PDE4D: variants seen among roughly 807,000 people sequenced by gnomAD.
The protein encoded by PDE4D is 3',5'-cyclic-AMP phosphodiesterase 4D.
A neutral mutation model predicts 87.4 loss-of-function variants in PDE4D; 24 were observed. The ratio of observed to expected loss-of-function variants is 0.27; its 90% CI spans 0.20 to 0.39. PDE4D has a LOEUF of 0.39. Ranked by LOEUF, PDE4D falls within the 10% of genes least tolerant of loss-of-function variation. PDE4D has a pLI of 1.00. For synonymous variants in PDE4D, 384 were observed against 383.2 expected, an observed-to-expected ratio of 1.00 and a Z score of -0.02; for missense variants, 714 against 1,041.0, an observed-to-expected ratio of 0.69 and a Z score of 4.32.
At chr5:60,200,788 T>C (rs529842005) in intron 1 of PDE4D, among the ~76,000 whole-genome samples, 1 of 152,290 alleles carries the variant, frequency 6.6e-6, no homozygotes, top group Admixed American at 6.5e-5. Flanking sequence ...TTCATGAGTT[T>C]ACACACTCTG....
At chr5:59,137,352 G>A (rs1180995897) in intron 5 of PDE4D, among the ~76,000 whole-genome samples, 1 of 152,112 alleles carries the variant, frequency 6.6e-6, no homozygotes. Context: ...TTGGATATAG[G>A]AACAAAAGTT....
intron 5 of PDE4D, among the ~76,000 whole-genome samples, chr5:59,122,086 G>A (rs1219906518): frequency 1.4e-5 from 2 of 139,004 alleles, no homozygotes; most frequent in East Asian, 2.2e-4. Flanking sequence ...AGGTTGCAGT[G>A]AGCTGAGATG....
At chr5:59,234,300 A>G (rs1345117867) in intron 1 of PDE4D, among the ~76,000 whole-genome samples, 1 of 151,842 alleles carries the variant, frequency 6.6e-6, no homozygotes. Flanking sequence ...TTTTTTGTAG[A>G]ATTTATTCGA....
intron 1 of PDE4D, among the ~76,000 whole-genome samples, chr5:60,481,850 G>A (rs1168293858): frequency 1.3e-5 from 2 of 151,998 alleles, no homozygotes; most frequent in Non-Finnish European, 2.9e-5. Flanking sequence ...TTAACATATG[G>A]ATCAAGAATT....
At chr5:59,222,132 T>A (rs1366539020) in intron 1 of PDE4D, among the ~76,000 whole-genome samples, 4 of 152,146 alleles carry the variant, frequency 2.6e-5, no homozygotes, top group Admixed American at 6.5e-5. Context: ...ACGAATGAAC[T>A]AATTACTCCC....
intron 6 of PDE4D, chr5:58,999,842 TC>T: frequency 1.0e-6 from 1 of 989,478 alleles, no homozygotes; most frequent in Non-Finnish European, 1.2e-6. Context: ...CATCTTTCTC[TC>T]CCGAGCTCCA....
chr5:59,088,759 G>T (rs924169153), intron 5 of PDE4D, among the ~76,000 whole-genome samples: 3 of 152,142 alleles, frequency 2.0e-5, no homozygotes, highest in Non-Finnish European at 2.9e-5. Flanking sequence ...ACACATAGAG[G>T]GAAACAACAG....
chr5:59,620,568 T>C (rs1830231911), intron 1 of PDE4D, among the ~76,000 whole-genome samples: 1 of 152,040 alleles, frequency 6.6e-6, no homozygotes, highest in Admixed American at 6.6e-5. Context: ...GAAGTCAAGA[T>C]CAGTGGATAT....
chr5:59,301,701 T>C (rs1489163299), intron 1 of PDE4D, among the ~76,000 whole-genome samples: 1 of 151,294 alleles, frequency 6.6e-6, no homozygotes, highest in African/African-American at 2.4e-5. Context: ...AGAGAAGAAA[T>C]GGGAGAACCA....
chr5:59,607,110 C>T (rs1320649024), intron 1 of PDE4D, among the ~76,000 whole-genome samples: 6 of 151,782 alleles, frequency 4.0e-5, no homozygotes, highest in African/African-American at 9.7e-5. Context: ...AACAGATACG[C>T]GTAGAATTAG....
At chr5:59,193,365 G>C in intron 3 of PDE4D, 135 bp downstream of exon 3, 1 of 839,786 alleles carries the variant, frequency 1.2e-6, no homozygotes. Context: ...CTTTTGAATT[G>C]CTTGAATGAA....
At chr5:59,098,326 G>A (rs1378840725) in intron 5 of PDE4D, among the ~76,000 whole-genome samples, 1 of 152,108 alleles carries the variant, frequency 6.6e-6, no homozygotes, top group Non-Finnish European at 1.5e-5. Flanking sequence ...ATAATCTGAT[G>A]CTAATATGTT....
intron 1 of PDE4D, among the ~76,000 whole-genome samples, chr5:59,381,971 T>C (rs1785957508): frequency 6.6e-6 from 1 of 152,194 alleles, no homozygotes; most frequent in Non-Finnish European, 1.5e-5. Flanking sequence ...TTGATTATTT[T>C]GTTCCTGAAA....
At chr5:59,389,052 C>T (rs143523694) in intron 1 of PDE4D, among the ~76,000 whole-genome samples, 108 of 152,054 alleles carry the variant, frequency 7.1e-4, no homozygotes, top group Admixed American at 1.5e-3. Flanking sequence ...GTTCATGAGT[C>T]AACCGCAGGG....
chr5:60,091,509 A>T (rs1400339875), intron 2 of PDE4D, among the ~76,000 whole-genome samples: 2 of 152,240 alleles, frequency 1.3e-5, no homozygotes, highest in Non-Finnish European at 2.9e-5. Context: ...GATGTAGAGA[A>T]AGAGAAATGC....
intron 1 of PDE4D, among the ~76,000 whole-genome samples, chr5:60,418,037 G>A (rs1742767074): frequency 6.6e-6 from 1 of 152,276 alleles, no homozygotes; most frequent in African/African-American, 2.4e-5. Flanking sequence ...ACAATTTAAT[G>A]TTCCAGGAAG....
chr5:59,189,597 G>T (rs1177544516), intron 3 of PDE4D, among the ~76,000 whole-genome samples: 1 of 152,046 alleles, frequency 6.6e-6, no homozygotes, highest in Non-Finnish European at 1.5e-5. Context: ...CAGCAGAGAA[G>T]AGTTTCCTAC....
chr5:60,432,536 T>C (rs984426106), intron 1 of PDE4D, among the ~76,000 whole-genome samples: 4 of 152,222 alleles, frequency 2.6e-5, no homozygotes, highest in African/African-American at 9.6e-5. Flanking sequence ...GCTATTCCTG[T>C]CAAATGAACA....
At chr5:60,067,707 C>G (rs537254810) in intron 2 of PDE4D, among the ~76,000 whole-genome samples, 1 of 152,134 alleles carries the variant, frequency 6.6e-6, no homozygotes, top group Non-Finnish European at 1.5e-5. Flanking sequence ...TTTAGTAACT[C>G]CCCATTTCTC....
Sources: allele counts gnomAD v4.1 joint callset (sites outside exome capture counted in the v4.1 genomes callset), GRCh38; gene constraint gnomAD v4.1.1; transcripts MANE v1.5; gene names NCBI Gene and HGNC (gene_info 2026-07-23, HGNC 2026-07-21).